Variants in ETV6 observed in about 807,000 individuals in gnomAD.
ETV6 encodes the protein transcription factor ETV6.
ETV6 carries 16 observed loss-of-function variants against 51.1 expected under a neutral mutation model. The observed-to-expected ratio is 0.31, with a 90% CI of 0.21 to 0.48. ETV6 has a LOEUF of 0.48. Among genes scored for constraint, ETV6 ranks in the 20% least tolerant of loss-of-function variants. ETV6 has a pLI of 0.99. For missense variants in ETV6, 458 were observed against 594.8 expected (o/e 0.77, Z 2.39); for synonymous variants, 240 against 224.1 (o/e 1.07, Z -0.64).
chr12:11,848,834 A>C (rs544378558), intron 3 of ETV6, among the ~76,000 whole-genome samples: 77 of 152,350 alleles, frequency 5.1e-4, no homozygotes, highest in African/African-American at 1.8e-3. Context: ...GGAGGAACCA[A>C]CGAAAACCAT....
At chr12:11,719,770 C>T (rs1323912667) in intron 1 of ETV6, among the ~76,000 whole-genome samples, 2 of 152,148 alleles carry the variant, frequency 1.3e-5, no homozygotes, top group African/African-American at 2.4e-5. Context: ...AAGAGAGAAG[C>T]GGGAATGGAA....
chr12:11,868,371 C>A (rs1417177708), intron 4 of ETV6, among the ~76,000 whole-genome samples: 1 of 150,816 alleles, frequency 6.6e-6, no homozygotes, highest in Non-Finnish European at 1.5e-5. Flanking sequence ...AATAGGGGTA[C>A]TAGTGGTATC....
chr12:11,712,258 C>T (rs1246859854), intron 1 of ETV6, among the ~76,000 whole-genome samples: 1 of 152,130 alleles, frequency 6.6e-6, no homozygotes, highest in Admixed American at 6.5e-5. Context: ...CCATCTAATC[C>T]GTTTTAAGGG....
At chr12:11,879,468 T>C (rs1947052949) in intron 5 of ETV6, among the ~76,000 whole-genome samples, 2 of 152,328 alleles carry the variant, frequency 1.3e-5, no homozygotes, top group East Asian at 3.9e-4. Flanking sequence ...GCTCAATAAG[T>C]TTATACAATG....
intron 1 of ETV6, among the ~76,000 whole-genome samples, chr12:11,704,668 A>G (rs1322890443): frequency 6.6e-6 from 1 of 152,172 alleles, no homozygotes; most frequent in Non-Finnish European, 1.5e-5. Context: ...CTTTTAAAAA[A>G]TAAATTTTAT....
chr12:11,736,312 T>C (rs1245585548), intron 1 of ETV6, among the ~76,000 whole-genome samples: 1 of 152,158 alleles, frequency 6.6e-6, no homozygotes, highest in Non-Finnish European at 1.5e-5. Context: ...CACACAAACA[T>C]AGTCTGTGTC....
chr12:11,700,568 C>T lies in ETV6; in HGVS notation c.33+50408C>T, dbSNP rs141431095. The stretch of plus-strand genomic sequence containing the variant: ...TGCTGACTAGAAGCTTTACCGATAA[C>T]GTAAATGGTTAATTAACACATATTT... On this transcript the variant is annotated intron_variant, in intron 1 of 7. Coordinates refer to ENST00000396373, the MANE Select transcript of ETV6 (RefSeq NM_001987.5). Among the ~76,000 whole-genome samples, 1,021 of 152,086 alleles carry T rather than the reference C, an allele frequency of 6.7e-3. 8 individuals carry two copies. Among genetic ancestry groups the T allele is most frequent in the African/African-American group, 0.023 (973 of 41,470 alleles).
At chr12:11,667,627 T>C (rs1447318420) in intron 1 of ETV6, among the ~76,000 whole-genome samples, 1 of 150,124 alleles carries the variant, frequency 6.7e-6, no homozygotes, top group African/African-American at 2.4e-5. Context: ...CCTCCTGGGC[T>C]CCAGCGATCC....
At chr12:11,778,831 A>G (rs1945372114) in intron 2 of ETV6, among the ~76,000 whole-genome samples, 1 of 152,240 alleles carries the variant, frequency 6.6e-6, no homozygotes, top group Non-Finnish European at 1.5e-5. Flanking sequence ...ATTTCAGGAT[A>G]AAAGGCCTTA....
intron 1 of ETV6, among the ~76,000 whole-genome samples, chr12:11,729,439 G>C (rs974109584): frequency 6.6e-6 from 1 of 152,182 alleles, no homozygotes; most frequent in Non-Finnish European, 1.5e-5. Flanking sequence ...CTGGGCTGCT[G>C]TGTGGTAGAT....
intron 1 of ETV6, among the ~76,000 whole-genome samples, chr12:11,685,922 C>T (rs185931943): frequency 2.0e-5 from 3 of 152,294 alleles, no homozygotes; most frequent in African/African-American, 4.8e-5. Flanking sequence ...ACTAAACATT[C>T]GAAGACGTTA....
intron 4 of ETV6, among the ~76,000 whole-genome samples, chr12:11,868,710 G>C (rs1946827980): frequency 6.6e-6 from 1 of 151,986 alleles, no homozygotes; most frequent in South Asian, 2.1e-4. Context: ...ATAACTCCTA[G>C]AGTTAGAGAA....
rs371083937 is a variant in ETV6 at position 11,892,503 on chromosome 12, A to ATTT, written c.*1469_*1471dup. 10 of 213,726 alleles carry ATTT rather than the reference A, an allele frequency of 4.7e-5. No individual in the cohort carries two copies. The South Asian group carries it at 2.0e-3, about 43-fold the overall frequency. 13.2% of individuals were successfully genotyped at this position (213,726 alleles called of 1,614,324 possible). A position where few individuals can be genotyped will look rare whatever the true frequency, so the allele number is the denominator to read the frequency against. On this transcript the variant is annotated 3_prime_UTR_variant, in exon 8 of 8. Coordinates refer to ENST00000396373, the MANE Select transcript of ETV6 (RefSeq NM_001987.5). ...TTAGTATTTTTGAAAGCTGTTTTAG[A>ATTT]TTTTTTTTTTTTTTCCTTTTCTAGC... is the stretch of plus-strand genomic sequence containing the variant.
At chr12:11,711,121 T>C (rs1020034255) in intron 1 of ETV6, among the ~76,000 whole-genome samples, 8 of 152,214 alleles carry the variant, frequency 5.3e-5, no homozygotes, top group African/African-American at 1.9e-4. Context: ...GTTGGGCAAA[T>C]AGCATGGAAG....
Position 11,775,139 on chromosome 12 carries a change from G to A in ETV6, c.163+22560G>A, listed in dbSNP as rs541019211. On this transcript the variant is annotated intron_variant, in intron 2 of 7. Transcript: ENST00000396373. ...TTTGCTTTCCGCAGTCAAAACTGTG[G>A]TTTGAGAATTTCACTGTTAATAATT... Among the ~76,000 whole-genome samples the A allele has an allele frequency of 1.5e-4, 23 of 152,328 alleles. No individual in the cohort carries two copies. In the South Asian group the frequency reaches 4.8e-3, roughly 32 times the overall value.
At chr12:11,691,549 TTTAA>T (rs1255890951) in intron 1 of ETV6, among the ~76,000 whole-genome samples, 1 of 152,248 alleles carries the variant, frequency 6.6e-6, no homozygotes, top group Non-Finnish European at 1.5e-5. Context: ...TAGATATGTA[TTTAA>T]TTGTTATCAC....
intron 2 of ETV6, 61 bp from the exon 3 acceptor site, chr12:11,839,079 C>T: frequency 6.5e-7 from 1 of 1,538,924 alleles, no homozygotes. Context: ...TCCCTTTATT[C>T]CAGCTGTCTA....
At chr12:11,650,252 C>G (rs1175433532) in intron 1 of ETV6, 92 bp downstream of exon 1, 5 of 1,099,934 alleles carry the variant, frequency 4.5e-6, no homozygotes, top group East Asian at 2.4e-5. Flanking sequence ...CAGGCTGTTG[C>G]AGTTGCTCTG....
intron 4 of ETV6, among the ~76,000 whole-genome samples, chr12:11,862,120 G>A (rs922529524): frequency 1.3e-5 from 2 of 152,242 alleles, no homozygotes; most frequent in African/African-American, 4.8e-5. Context: ...GAGTACTACA[G>A]GTTACCCATT....
Sources: allele counts gnomAD v4.1 joint callset (sites outside exome capture counted in the v4.1 genomes callset), GRCh38; gene constraint gnomAD v4.1.1; transcripts MANE v1.5; gene names NCBI Gene and HGNC (gene_info 2026-07-23, HGNC 2026-07-21).